The following SLA2 variants were observed in gnomAD, a reference collection of about 807,000 sequenced individuals.
The protein encoded by SLA2 is Src like adaptor 2, also known as src-like-adapter 2.
Under a neutral mutation model 27.3 loss-of-function variants are expected in SLA2, and 22 were observed. The ratio of observed to expected loss-of-function variants is 0.81; its 90% CI spans 0.58 to 1.15. The LOEUF (loss-of-function observed/expected upper bound fraction) is 1.15. SLA2 is among the 50% of genes most tolerant of loss of function. The probability of loss-of-function intolerance (pLI) is 0.00; values close to 1 mark genes in which losing one functional copy is unlikely to be tolerated. For synonymous variants in SLA2, 131 were observed against 137.8 expected (o/e 0.95, Z 0.34); for missense variants, 304 against 322.2 (o/e 0.94, Z 0.43).
intron 1 of SLA2, among the ~76,000 whole-genome samples, chr20:36,643,203 G>A (rs185006731): frequency 1.0e-3 from 155 of 152,300 alleles, no homozygotes; most frequent in African/African-American, 3.6e-3. Flanking sequence ...GTGTCTTATC[G>A]TTAGAATAGT....
In SLA2 at chr20:36,613,765, T is replaced by TC; in HGVS notation, c.*100dup. On this transcript the variant is annotated 3_prime_UTR_variant, in exon 8 of 8. Transcript: ENST00000262866. ...CTAGATGCACCTCTGTGTCCCACCCTCCCTCCCTGAGTGCACAGCCTTGCC... is the reference window on the plus strand; with the variant it reads ...CTAGATGCACCTCTGTGTCCCACCCTCCCCTCCCTGAGTGCACAGCCTTGCC... The TC allele has an allele frequency of 3.1e-6, 1 of 326,314 alleles. No homozygotes were observed. The highest frequency in any genetic ancestry group is 6.1e-6 in the Non-Finnish European group (1 of 164,362). The allele number at this position is 326,314 out of a possible 1,614,324, so 20.2% of individuals were successfully genotyped here. A position where few individuals can be genotyped will look rare whatever the true frequency, so the allele number is the denominator to read the frequency against.
rs553865137 is a variant in SLA2, at chr20:36,614,190, C to T, written c.665+115G>A. On this transcript the variant is annotated intron_variant, in intron 7 of 7. Transcript: ENST00000262866. ...GGAGTTGAGTCAGTGCACTCTGGCT[C>T]CAGCTGCCAGGTGTCCCTGAGTGTG... The T allele has an allele frequency of 2.1e-5, 32 of 1,559,336 alleles. No individual in the cohort carries two copies. In the East Asian group the frequency reaches 6.9e-4, roughly 34 times the overall value.
intron 2 of SLA2, among the ~76,000 whole-genome samples, chr20:36,639,063 C>A (rs2039480535): frequency 6.6e-6 from 1 of 152,152 alleles, no homozygotes; most frequent in South Asian, 2.1e-4. Flanking sequence ...TCAGGCTGGT[C>A]TCAAACTCCC....
chr20:36,641,767 C>G (rs1315774053), intron 1 of SLA2, among the ~76,000 whole-genome samples: 2 of 152,016 alleles, frequency 1.3e-5, no homozygotes, highest in African/African-American at 4.8e-5. Context: ...AACCCTTTCT[C>G]TGACCCGGGA....
Position 36,613,895 on chromosome 20 carries a change from C to T in SLA2, c.757G>A (p.Asp253Asn). ...GCATCATCCAAAGAGACAGCCTCGT[C>T]ATTCAGGCTGATGTAGAAGCTGAGG... Reference protein sequence around the residue: ...ESLSFYISLNDEAVSLDDA With the variant: ...ESLSFYISLNNEAVSLDDA The change falls in exon 8 of 8, where the codon GAC becomes AAC. Residue 253 changes from aspartate to asparagine, a missense_variant. Coordinates refer to ENST00000262866, the MANE Select transcript of SLA2 (RefSeq NM_032214.4). 6.2e-7 allele frequency: 1 copy of T among 1,614,012 alleles called. No homozygotes were observed. Among genetic ancestry groups the T allele is most frequent in the Non-Finnish European group, 8.5e-7 (1 of 1,179,960 alleles).
In SLA2 at chr20:36,641,307, G is replaced by T. The variant is rs764740944; in HGVS notation, c.29C>A (p.Ser10Tyr). ...GGAACTCAAGCTTGGGCTTGGCAGA[G>T]ATTTTCTTCTGCTGGGCAGACTTCC... Reference protein sequence around the residue: MGSLPSRRKSLPSPSLSSSV... With the variant: MGSLPSRRKYLPSPSLSSSV... Residue 10 changes from serine to tyrosine, a missense_variant, in exon 2 of 8, where the codon TCT (serine) becomes TAT (tyrosine). Physicochemically the swap from Ser to Tyr is moderately radical, Grantham distance 144 (BLOSUM62 -2). Coordinates refer to ENST00000262866, the MANE Select transcript of SLA2 (RefSeq NM_032214.4). 1 of 1,613,968 alleles carries T rather than the reference G, an allele frequency of 6.2e-7. No individual in the cohort carries two copies. The highest frequency in any genetic ancestry group is 8.5e-7 in the Non-Finnish European group (1 of 1,179,970).
In SLA2 at chr20:36,634,829, T is replaced by A. The variant is rs6101572; in HGVS notation, c.92-240A>T. The stretch of plus-strand genomic sequence containing the variant: ...AGAGAAAGAAAGAAAAAAAAAATAG[T>A]GATAGGGTCTTGCTCCATCACCACT... On this transcript the variant is annotated intron_variant, in intron 2 of 7. Coordinates refer to ENST00000262866, the MANE Select transcript of SLA2 (RefSeq NM_032214.4). Among the ~76,000 whole-genome samples, 448 of 150,572 alleles carry A rather than the reference T, an allele frequency of 3.0e-3. 2 individuals carry two copies. The highest frequency in any genetic ancestry group is 0.011 in the African/African-American group (431 of 41,004).
intron 5 of SLA2, 71 bp downstream of exon 5, chr20:36,632,524 C>G (rs2039402640): frequency 8.2e-7 from 1 of 1,217,116 alleles, no homozygotes; most frequent in African/African-American, 1.5e-5. Context: ...GCACCTGCAG[C>G]CATATATCTG....
rs2039161552 is a variant in SLA2, at chr20:36,613,112, C to G, written c.*754G>C. ...GTGTACGCCTGTAATCCCAGCTATT[C>G]TGGAGGCTGAGGCAGGAGAATTGTT... On this transcript the variant is annotated 3_prime_UTR_variant, in exon 8 of 8. Coordinates refer to ENST00000262866, the MANE Select transcript of SLA2 (RefSeq NM_032214.4). 6.6e-6 allele frequency: 1 copy of G among 152,310 alleles called. No homozygotes were observed. The allele number at this position is 152,310 out of a possible 1,614,324, so 9.4% of individuals were successfully genotyped here.
intron 2 of SLA2, among the ~76,000 whole-genome samples, chr20:36,637,734 C>T (rs2039466814): frequency 7.2e-6 from 1 of 138,636 alleles, no homozygotes; most frequent in African/African-American, 2.7e-5. Context: ...TCAAGCGATT[C>T]TCCTCCCTCA....
At chr20:36,616,447 C>T (rs1488734092) in intron 5 of SLA2, among the ~76,000 whole-genome samples, 1 of 151,544 alleles carries the variant, frequency 6.6e-6, no homozygotes, top group Non-Finnish European at 1.5e-5. Flanking sequence ...TCCCCCGCCT[C>T]AGCCTCCCGA....
chr20:36,636,284 G>A (rs371077074), intron 2 of SLA2, among the ~76,000 whole-genome samples: 4,835 of 150,734 alleles, frequency 0.032, 89 homozygotes, highest in Non-Finnish European at 0.049. Context: ...AGCCGGGCGC[G>A]GTGGCGGGCG....
Position 36,618,559 on chromosome 20 carries a change from C to T in SLA2, c.383-3185G>A, listed in dbSNP as rs571448086. 4.0e-5 allele frequency among the ~76,000 whole-genome samples: 6 copies of T among 151,606 alleles called. No individual in the cohort carries two copies. In the East Asian group the frequency reaches 5.9e-4, roughly 15 times the overall value. Reference sequence around the variant, plus strand: ...CCAACAAATTTAAAAGGATTGAAATCATTAAAAATATGTTGTCTGGCCACA... The same window carrying T: ...CCAACAAATTTAAAAGGATTGAAATTATTAAAAATATGTTGTCTGGCCACA... On this transcript the variant is annotated intron_variant, in intron 5 of 7. Coordinates refer to ENST00000262866, the MANE Select transcript of SLA2 (RefSeq NM_032214.4).
chr20:36,614,512 C>A (rs2039184338), intron 6 of SLA2, 75 bp from the exon 7 acceptor site: 1 of 1,517,974 alleles, frequency 6.6e-7, no homozygotes, highest in African/African-American at 1.4e-5. Flanking sequence ...CCCTGACAGC[C>A]CTCTGCAGTT....
At chr20:36,618,142 G>A (rs562948003) in intron 5 of SLA2, among the ~76,000 whole-genome samples, 4 of 143,180 alleles carry the variant, frequency 2.8e-5, no homozygotes, top group East Asian at 2.0e-4. Context: ...GCGAGACTCC[G>A]TCTCAAAAAA....
At chr20:36,634,365 C>A in intron 3 of SLA2, 125 bp downstream of exon 3, 1 of 659,754 alleles carries the variant, frequency 1.5e-6, no homozygotes, top group African/African-American at 1.8e-5. Context: ...CTCATTGCAG[C>A]CTTGAGCTCC....
intron 1 of SLA2, among the ~76,000 whole-genome samples, chr20:36,641,603 T>C (rs1261640023): frequency 1.3e-5 from 2 of 152,100 alleles, no homozygotes; most frequent in Non-Finnish European, 2.9e-5. Context: ...GGCTCAACTT[T>C]TTCTTTCTGG....
Position 36,613,405 on chromosome 20 carries a change from TATG to T in SLA2, c.*458_*460del, listed in dbSNP as rs1165387123. The T allele has an allele frequency of 5.1e-5, 8 of 155,516 alleles. No individual in the cohort carries two copies. The highest frequency in any genetic ancestry group is 1.9e-4 in the South Asian group (1 of 5,200). The allele number at this position is 155,516 out of a possible 1,614,324, so 9.6% of individuals were successfully genotyped here. On this transcript the variant is annotated 3_prime_UTR_variant, in exon 8 of 8. Coordinates refer to ENST00000262866, the MANE Select transcript of SLA2 (RefSeq NM_032214.4). Reference sequence around the variant, plus strand: ...TAGGCCACAGTCCTACCTTCTGAGGTATGGTGGTGGTCTCAACGAGACTTGTAG... The same window carrying T: ...TAGGCCACAGTCCTACCTTCTGAGGTGTGGTGGTCTCAACGAGACTTGTAG...
At chr20:36,633,844 C>T (rs1276602586) in intron 3 of SLA2, among the ~76,000 whole-genome samples, 2 of 151,618 alleles carry the variant, frequency 1.3e-5, no homozygotes, top group African/African-American at 4.8e-5. Context: ...TGCTACAGGG[C>T]GCTGCCCACC....
Sources: gnomAD v4.1 joint callset for allele counts (sites outside exome capture counted in the v4.1 genomes callset) on GRCh38, gnomAD v4.1.1 for gene constraint, MANE v1.5 for transcripts, NCBI Gene and HGNC (gene_info 2026-07-23, HGNC 2026-07-21) for gene names.